AKAP8: variants seen among roughly 807,000 people sequenced by gnomAD.
The protein encoded by AKAP8 is A-kinase anchoring protein 8, also known as A-kinase anchor protein 8.
Under a neutral mutation model 67.5 loss-of-function variants are expected in AKAP8, and 24 were observed. That is an observed-to-expected ratio of 0.36 (90% CI 0.26 to 0.50). The LOEUF is 0.50. Among genes scored for constraint, AKAP8 ranks in the 20% least tolerant of loss-of-function variants. The probability of loss-of-function intolerance (pLI) is 0.97; values close to 1 mark genes in which losing one functional copy is unlikely to be tolerated. For synonymous variants in AKAP8, 400 were observed against 371.1 expected (o/e 1.08, Z -0.90); for missense variants, 971 against 955.9 (o/e 1.02, Z -0.21).
At chr19:15,358,538 A>T (rs1966914749) in intron 13 of AKAP8, among the ~76,000 whole-genome samples, 1 of 151,970 alleles carries the variant, frequency 6.6e-6, no homozygotes, top group South Asian at 2.1e-4. Flanking sequence ...TTTCAAGACC[A>T]GTCTTGCTAT....
At chr19:15,367,541 CAAAAAG>C (rs1462495380) in intron 9 of AKAP8, among the ~76,000 whole-genome samples, 1 of 152,098 alleles carries the variant, frequency 6.6e-6, no homozygotes, top group African/African-American at 2.4e-5. Context: ...AACAAACAAA[CAAAAAG>C]AAAATCACTG....
rs2048267245 is a variant in AKAP8, at chr19:15,354,938, T to C, written c.2056A>G (p.Lys686Glu). The C allele has an allele frequency of 6.2e-7, 1 of 1,614,034 alleles. No homozygotes were observed. Among genetic ancestry groups the C allele is most frequent in the South Asian group, 1.1e-5 (1 of 91,086 alleles). ...AEVEQTDAESKDAVPTE is the reference protein window; with the variant it reads ...AEVEQTDAESEDAVPTE Reference sequence around the variant, plus strand: ...CATCATTCTGTGGGAACAGCGTCTTTAGACTCTGCATCAGTTTGTTCCACT... The same window carrying C: ...CATCATTCTGTGGGAACAGCGTCTTCAGACTCTGCATCAGTTTGTTCCACT... The change falls in exon 14 of 14, where the codon AAA becomes GAA. Residue 686 changes from lysine (K) to glutamate (E), a missense_variant. Coordinates refer to ENST00000269701, the MANE Select transcript of AKAP8 (RefSeq NM_005858.4).
At chr19:15,358,865 TCAG>T in intron 13 of AKAP8, 99 bp downstream of exon 13, 1 of 1,070,568 alleles carries the variant, frequency 9.3e-7, no homozygotes, top group Non-Finnish European at 1.4e-6. Flanking sequence ...GTCAAAAGAC[TCAG>T]AAATGCTAAA....
chr19:15,363,491 T>G (rs1599560801), intron 9 of AKAP8, among the ~76,000 whole-genome samples: 9 of 96,440 alleles, frequency 9.3e-5, no homozygotes, highest in South Asian at 3.7e-4. Context: ...GTGGGGGGGG[T>G]CAGCCCCCCG....
chr19:15,371,764 C>T (rs1446789136), intron 7 of AKAP8, among the ~76,000 whole-genome samples, 188 bp downstream of exon 7: 1 of 152,122 alleles, frequency 6.6e-6, no homozygotes, highest in Non-Finnish European at 1.5e-5. Context: ...GCTAGGATTA[C>T]AGGTGTGAGC....
chr19:15,368,991 C>T (rs751891826), intron 8 of AKAP8: 87 of 985,960 alleles, frequency 8.8e-5, no homozygotes, highest in Middle Eastern at 5.2e-4. Flanking sequence ...GAGAGCCACG[C>T]GGCCATCATC....
chr19:15,370,663 G>GTCTCTCA, intron 7 of AKAP8, among the ~76,000 whole-genome samples: 1 of 137,204 alleles, frequency 7.3e-6, no homozygotes, highest in Admixed American at 7.6e-5. Flanking sequence ...ACGGAGTCTC[G>GTCTCTCA]CCCTGTCTCC....
Position 15,353,933 on chromosome 19 carries a change from T to C in AKAP8, c.*982A>G, listed in dbSNP as rs2048260698. The stretch of plus-strand genomic sequence containing the variant: ...AATGAAACATATATTTCATTTTATA[T>C]ATATATATATATATTACAGATACCT... On this transcript the variant is annotated 3_prime_UTR_variant, in exon 14 of 14. Coordinates refer to ENST00000269701, the MANE Select transcript of AKAP8 (RefSeq NM_005858.4). 6.7e-6 allele frequency: 1 copy of C among 149,954 alleles called. No individual in the cohort carries two copies. Among genetic ancestry groups the C allele is most frequent in the Admixed American group, 6.6e-5 (1 of 15,048 alleles). 9.3% of individuals were successfully genotyped at this position (149,954 alleles called of 1,614,324 possible).
intron 2 of AKAP8, 55 bp from the exon 3 acceptor site, chr19:15,374,690 A>ACCC: frequency 6.3e-7 from 1 of 1,597,556 alleles, no homozygotes. Flanking sequence ...AGGCACTGAC[A>ACCC]CCCCAGCTGT....
At chr19:15,378,837 G>C (rs1272360532) in intron 1 of AKAP8, among the ~76,000 whole-genome samples, 1 of 152,178 alleles carries the variant, frequency 6.6e-6, no homozygotes, top group African/African-American at 2.4e-5. Flanking sequence ...CAGGCAGCTC[G>C]AGAAGATCGG....
At chr19:15,368,355 A>T (rs778912959) in intron 8 of AKAP8, 33 bp from the exon 9 acceptor site, 1 of 1,612,600 alleles carries the variant, frequency 6.2e-7, no homozygotes, top group Admixed American at 1.7e-5. Flanking sequence ...AGACGCTCTG[A>T]GTGGCCTGCA....
In AKAP8 at chr19:15,361,796, T is replaced by C. The variant is rs1170327997; in HGVS notation, c.1329A>G (p.Lys443=). 4 of 1,614,066 alleles carry C rather than the reference T, an allele frequency of 2.5e-6. No homozygotes were observed. Among genetic ancestry groups the C allele is most frequent in the Admixed American group, 1.7e-5 (1 of 60,010 alleles). ...TCAATTCCTGACGCCGCTTCTCAATTTTCTTATTTCTGTTTACAATGTATT... is the reference window on the plus strand; with the variant it reads ...TCAATTCCTGACGCCGCTTCTCAATCTTCTTATTTCTGTTTACAATGTATT... ...LQEYIVNRNK[K]IEKRRQELME... is the part of the protein sequence containing the mutation. Residue 443 remains lysine, a synonymous_variant, in exon 11 of 14, where the codon AAA becomes AAG. Coordinates refer to ENST00000269701, the MANE Select transcript of AKAP8 (RefSeq NM_005858.4).
intron 10 of AKAP8, 116 bp downstream of exon 10, chr19:15,361,994 A>C: frequency 1.4e-6 from 2 of 1,460,966 alleles, no homozygotes; most frequent in Non-Finnish European, 1.8e-6. Context: ...CAGCTACTCT[A>C]TCTGGGAAAG....
chr19:15,369,757 C>T lies in AKAP8; in HGVS notation c.1072+389G>A, dbSNP rs996275620. 4.6e-5 allele frequency among the ~76,000 whole-genome samples: 7 copies of T among 152,238 alleles called. No individual in the cohort carries two copies. The highest frequency in any genetic ancestry group is 1.7e-4 in the African/African-American group (7 of 41,468). The stretch of plus-strand genomic sequence containing the variant: ...AGCCCAGGGCAGGCGACTGAAGGAA[C>T]TGGACAAAAGGAAGCCCCAGAGAAA... On this transcript the variant is annotated intron_variant, in intron 8 of 13. Transcript: ENST00000269701. The surrounding 1 kb of genome is among the most constrained non-coding windows in gnomAD (Gnocchi z 4.6).
intron 13 of AKAP8, 65 bp from the exon 14 acceptor site, chr19:15,355,435 G>A (rs1208661490): frequency 8.9e-6 from 13 of 1,461,064 alleles, no homozygotes; most frequent in Non-Finnish European, 1.2e-5. Flanking sequence ...ATGATTGCGG[G>A]GATGTCAGCT....
In AKAP8 at chr19:15,369,313, T is replaced by A. The variant is rs1599566608; in HGVS notation, c.1072+833A>T. The stretch of plus-strand genomic sequence containing the variant: ...GTGCTATGGACAGGACTGCTGCGGG[T>A]CGCGGGGGGGAGGACCGCAGAGGGC... On this transcript the variant is annotated intron_variant, in intron 8 of 13. Coordinates refer to ENST00000269701, the MANE Select transcript of AKAP8 (RefSeq NM_005858.4). This position sits in a 1 kb window ranked among gnomAD's most constrained non-coding sequence, Gnocchi z 4.6. 3.1e-6 allele frequency: 3 copies of A among 970,956 alleles called. No individual in the cohort carries two copies. The South Asian group carries it at 1.4e-4, about 46-fold the overall frequency. The allele number at this position is 970,956 out of a possible 1,614,324, so 60.1% of individuals were successfully genotyped here.
At chr19:15,375,839 T>C (rs186745628) in intron 2 of AKAP8, among the ~76,000 whole-genome samples, 5,851 of 151,862 alleles carry the variant, frequency 0.039, 366 homozygotes, top group African/African-American at 0.13. Flanking sequence ...GGGGTTTCAC[T>C]GTGTTAGCCA....
chr19:15,373,216 A>G lies in AKAP8; in HGVS notation c.496T>C (p.Phe166Leu). ...CGGCATTCACTGTACTGCCCCCCAA[A>G]GCTGCCATTGCGGTCGGACCCCAGG... ...FDLGSDRNGSFGGQYSECRDP... is the reference protein window; with the variant it reads ...FDLGSDRNGSLGGQYSECRDP... Residue 166 changes from phenylalanine (F) to leucine (L), a missense_variant, in exon 5 of 14, where the codon TTT becomes CTT. By Grantham distance (22) the Phe-to-Leu change is conservative. This residue lies in a region of AKAP8 where 763 missense variants were observed against 745.4 expected (regional missense o/e 1.02). Coordinates refer to ENST00000269701, the MANE Select transcript of AKAP8 (RefSeq NM_005858.4). The G allele has an allele frequency of 1.9e-6, 3 of 1,613,894 alleles. No homozygotes were observed. The highest frequency in any genetic ancestry group is 1.7e-6 in the Non-Finnish European group (2 of 1,180,018).
intron 11 of AKAP8, chr19:15,361,349 CTTTTT>C (rs34004834): frequency 6.0e-4 from 71 of 118,836 alleles, no homozygotes; most frequent in South Asian, 1.4e-3. Context: ...CTTCATGCCA[CTTTTT>C]TTTTTTTTTT....
Sources: allele counts gnomAD v4.1 joint callset (sites outside exome capture counted in the v4.1 genomes callset), GRCh38; gene constraint gnomAD v4.1.1; regional missense constraint gnomAD v4.1.1; non-coding constraint Gnocchi (gnomAD v3.1); transcripts MANE v1.5; gene names NCBI Gene and HGNC (gene_info 2026-07-23, HGNC 2026-07-21).